UFD1: variants seen among roughly 807,000 people sequenced by gnomAD.
UFD1 encodes the protein ubiquitin recognition factor in ER associated degradation 1.
In UFD1, 13 loss-of-function variants were observed where a neutral mutation model predicts 45.9. That is an observed-to-expected ratio of 0.28 (90% CI 0.18 to 0.45). The LOEUF is 0.45. Among genes scored for constraint, UFD1 ranks in the 20% least tolerant of loss-of-function variants. The pLI is 1.00. For synonymous variants in UFD1, 128 were observed against 139.2 expected, an observed-to-expected ratio of 0.92 and a Z score of 0.56; for missense variants, 218 against 389.2, an observed-to-expected ratio of 0.56 and a Z score of 3.70.
chr22:19,455,815 C>T lies in UFD1; in HGVS notation c.679-47G>A, dbSNP rs575411730. On this transcript the variant is annotated intron_variant, in intron 9 of 11. Transcript: ENST00000263202. Reference sequence around the variant, plus strand: ...CATATAATAAGCCCAAGTGTGAGGACGATATGTCCTTTGCTTGGAGATCAC... The same window carrying T: ...CATATAATAAGCCCAAGTGTGAGGATGATATGTCCTTTGCTTGGAGATCAC... 350 of 1,563,918 alleles carry T rather than the reference C, an allele frequency of 2.2e-4. 4 individuals carry two copies. The South Asian group carries it at 3.5e-3, about 16-fold the overall frequency.
At position 19,474,001 on chromosome 22, in the gene UFD1, A is replaced by C. The variant is rs577303720; in HGVS notation, c.169+1067T>G. On this transcript the variant is annotated intron_variant, in intron 3 of 11. Coordinates refer to ENST00000263202, the MANE Select transcript of UFD1 (RefSeq NM_005659.7). ...CTGGAAGGCAATGACTGCATCCTTG[A>C]TTGGGTTGTCCATGATAGGGATTTT... 2.0e-4 allele frequency among the ~76,000 whole-genome samples: 30 copies of C among 152,268 alleles called. No homozygotes were observed. In the South Asian group the frequency reaches 2.9e-3, roughly 15 times the overall value.
At chr22:19,478,161 T>C (rs750386765) in intron 1 of UFD1, among the ~76,000 whole-genome samples, 3 of 152,170 alleles carry the variant, frequency 2.0e-5, no homozygotes, top group Non-Finnish European at 4.4e-5. Context: ...TGCCCCTTCT[T>C]TGCTGCTCCC....
chr22:19,467,874 C>T lies in UFD1; in HGVS notation c.421G>A (p.Val141Ile), dbSNP rs779950207. The T allele has an allele frequency of 2.5e-6, 4 of 1,613,810 alleles. No individual in the cohort carries two copies. The highest frequency in any genetic ancestry group is 2.2e-5 in the East Asian group (1 of 44,868). ...DFLDITNPKA[V>I]LENALRNFAC... ...ACTCCGCTTATTTGAAAAAGATACA[C>T]GGCTTTGGGGTTGGTGATGTCCAGG... The change falls in exon 5 of 12, where the codon GTA becomes ATA. Residue 141 changes from valine (V) to isoleucine (I), a missense_variant and splice_region_variant. Around this residue, in one of 2 missense-constraint regions of UFD1, gnomAD observed 149 missense variants for 307.5 expected, o/e 0.48. Coordinates refer to ENST00000263202, the MANE Select transcript of UFD1 (RefSeq NM_005659.7).
At chr22:19,468,730 G>A (rs1020082631) in intron 4 of UFD1, among the ~76,000 whole-genome samples, 3 of 152,096 alleles carry the variant, frequency 2.0e-5, no homozygotes, top group Non-Finnish European at 4.4e-5. Context: ...GAGCTCCCAC[G>A]CACCGAGCCC....
intron 11 of UFD1, chr22:19,451,705 C>G: frequency 1.0e-6 from 1 of 985,470 alleles, no homozygotes; most frequent in South Asian, 4.7e-5. Context: ...TGGTCACATT[C>G]ATGTAAATTT....
chr22:19,474,526 C>T lies in UFD1; in HGVS notation c.169+542G>A, dbSNP rs181848531. ...GCGCCACTGCACTCCAGCCTGGGCG[C>T]TAAGAGCAAAACTCTGTCTCAAAAA... On this transcript the variant is annotated intron_variant, in intron 3 of 11. Transcript: ENST00000263202. Among the ~76,000 whole-genome samples the T allele has an allele frequency of 3.5e-3, 526 of 152,032 alleles. 3 individuals are homozygous for T. Among genetic ancestry groups the T allele is most frequent in the African/African-American group, 0.012 (492 of 41,438 alleles).
rs184230872 is a variant in UFD1 at position 19,478,843 on chromosome 22, G to C, written c.3+240C>G. On this transcript the variant is annotated intron_variant, in intron 1 of 11. Coordinates refer to ENST00000263202, the MANE Select transcript of UFD1 (RefSeq NM_005659.7). ...CACAAACCTTCCTTTCTTTCGTCAAGGAGGGCAAGTCCGGCTGAGACAGAA... is the reference window on the plus strand; with the variant it reads ...CACAAACCTTCCTTTCTTTCGTCAACGAGGGCAAGTCCGGCTGAGACAGAA... 143 of 539,794 alleles carry C rather than the reference G, an allele frequency of 2.6e-4. 2 individuals are homozygous for C. In the African/African-American group the frequency reaches 2.8e-3, roughly 10 times the overall value. The allele number at this position is 539,794 out of a possible 1,614,324, so 33.4% of individuals were successfully genotyped here.
At chr22:19,471,883 A>G (rs2089848837) in intron 3 of UFD1, 75 bp from the exon 4 acceptor site, 2 of 1,552,296 alleles carry the variant, frequency 1.3e-6, no homozygotes, top group African/African-American at 2.7e-5. Context: ...TTCCCATAGA[A>G]GGAGCCTCCC....
At chr22:19,476,235 G>A (rs1395568684) in intron 1 of UFD1, among the ~76,000 whole-genome samples, 1 of 152,112 alleles carries the variant, frequency 6.6e-6, no homozygotes, top group Admixed American at 6.5e-5. Flanking sequence ...ATGAGAGGGA[G>A]CCAGGCAAAA....
Position 19,458,104 on chromosome 22 carries a change from G to A in UFD1, c.531C>T (p.Asp177=), listed in dbSNP as rs2089737270. ...YELRVMETKP[D]KAVSIIECDM... ...CACACTCAATGATGGACACTGCCTT[G>A]TCGGGTTTGGTCTCCATCACACGCA... Residue 177 remains aspartate, a synonymous_variant, in exon 7 of 12, where the codon GAC becomes GAT. Transcript: ENST00000263202. The A allele has an allele frequency of 6.2e-7, 1 of 1,614,032 alleles. No homozygotes were observed. The highest frequency in any genetic ancestry group is 8.5e-7 in the Non-Finnish European group (1 of 1,180,006).
chr22:19,477,006 CAAAAAAA>C (rs35775775), intron 1 of UFD1, among the ~76,000 whole-genome samples: 1 of 98,288 alleles, frequency 1.0e-5, no homozygotes. Flanking sequence ...GACTCCATCT[CAAAAAAA>C]AAAAAAAAAA....
intron 1 of UFD1, among the ~76,000 whole-genome samples, chr22:19,478,548 G>C (rs1047695653): frequency 6.6e-6 from 1 of 152,172 alleles, no homozygotes; most frequent in African/African-American, 2.4e-5. Context: ...TAAAAGCTGT[G>C]TAACAGGAAA....
chr22:19,458,733 G>A lies in UFD1; in HGVS notation c.496-594C>T, dbSNP rs182639553. Among the ~76,000 whole-genome samples, 65 of 152,298 alleles carry A rather than the reference G, an allele frequency of 4.3e-4. 1 individual carries two copies. The East Asian group carries it at 0.01, about 24-fold the overall frequency. On this transcript the variant is annotated intron_variant, in intron 6 of 11. Coordinates refer to ENST00000263202, the MANE Select transcript of UFD1 (RefSeq NM_005659.7). ...ACTGGGATTACAGACATAAGCCACCGCACTCGGCCTTCGAAATTTATTCTA... is the reference window on the plus strand; with the variant it reads ...ACTGGGATTACAGACATAAGCCACCACACTCGGCCTTCGAAATTTATTCTA...
intron 6 of UFD1, 41 bp downstream of exon 6, chr22:19,465,161 G>A (rs761105899): frequency 1.0e-5 from 16 of 1,582,562 alleles, no homozygotes; most frequent in Non-Finnish European, 1.4e-5. Flanking sequence ...GGACACTGCA[G>A]GTGGCTCTTG....
At chr22:19,457,174 T>A (rs1027676763) in intron 7 of UFD1, among the ~76,000 whole-genome samples, 1 of 152,162 alleles carries the variant, frequency 6.6e-6, no homozygotes, top group Non-Finnish European at 1.5e-5. Context: ...TTTTTGTTCA[T>A]GGGTATCTTT....
At chr22:19,456,801 C>T in intron 8 of UFD1, 52 bp downstream of exon 8, 1 of 1,614,068 alleles carries the variant, frequency 6.2e-7, no homozygotes, top group Non-Finnish European at 8.5e-7. Flanking sequence ...CTGCCAGGAA[C>T]TCAAAAGCAG....
In UFD1 at chr22:19,456,738, G is replaced by A. The variant is rs2089726280; in HGVS notation, c.631-104C>T. Reference sequence around the variant, plus strand: ...ATGTCCCCCGGAAGCATGGCTGGAAGGGACGCAGAGGATATGACTACACCA... The same window carrying A: ...ATGTCCCCCGGAAGCATGGCTGGAAAGGACGCAGAGGATATGACTACACCA... On this transcript the variant is annotated intron_variant, in intron 8 of 11. Transcript: ENST00000263202. 8.1e-6 allele frequency: 13 copies of A among 1,613,280 alleles called. No homozygotes were observed. The Admixed American group carries it at 2.2e-4, about 27-fold the overall frequency.
Position 19,453,677 on chromosome 22 carries a change from G to C in UFD1, c.849+1072C>G. ...AGCCTGAAAGGTCCCAATGCCCAAT[G>C]CTGTTTCAACTTGAACATTGAGCCC... On this transcript the variant is annotated intron_variant, in intron 11 of 11. Transcript: ENST00000263202. 1.2e-5 allele frequency: 12 copies of C among 985,536 alleles called. No homozygotes were observed. The South Asian group carries it at 5.2e-4, about 42-fold the overall frequency. The allele number at this position is 985,536 out of a possible 1,614,324, so 61.0% of individuals were successfully genotyped here. A position where few individuals can be genotyped will look rare whatever the true frequency, so the allele number is the denominator to read the frequency against.
intron 4 of UFD1, among the ~76,000 whole-genome samples, chr22:19,470,259 G>A (rs1307405446): frequency 6.6e-6 from 1 of 152,200 alleles, no homozygotes; most frequent in African/African-American, 2.4e-5. Flanking sequence ...AGGCAGCATG[G>A]GAAGGCCAGG....
Sources: gnomAD v4.1 joint callset for allele counts (sites outside exome capture counted in the v4.1 genomes callset) on GRCh38, gnomAD v4.1.1 for gene constraint, gnomAD v4.1.1 regional missense constraint, MANE v1.5 for transcripts, NCBI Gene and HGNC (gene_info 2026-07-23, HGNC 2026-07-21) for gene names.